Variants in EIF2D observed in about 807,000 individuals in gnomAD.
EIF2D encodes eukaryotic translation initiation factor 2D.
In EIF2D, 56 loss-of-function variants were observed where a neutral mutation model predicts 77.4. The observed-to-expected ratio is 0.72, with a 90% CI of 0.58 to 0.90. The LOEUF is 0.90. EIF2D is among the 40% of genes least tolerant of loss of function. The pLI, the probability that EIF2D is intolerant of heterozygous loss-of-function variation, is 0.00. For missense variants in EIF2D, 574 were observed against 706.5 expected (o/e 0.81, Z 2.13); for synonymous variants, 230 against 271.0 (o/e 0.85, Z 1.49).
chr1:206,606,455 C>T (rs1670206242), intron 4 of EIF2D, among the ~76,000 whole-genome samples: 1 of 152,114 alleles, frequency 6.6e-6, no homozygotes. Context: ...TTACCCCCAC[C>T]ACAAACCATC....
intron 4 of EIF2D, among the ~76,000 whole-genome samples, chr1:206,578,516 A>C (rs1300014508): frequency 3.3e-5 from 5 of 152,192 alleles, no homozygotes; most frequent in Non-Finnish European, 7.3e-5. Flanking sequence ...TTGACAAATA[A>C]AGTGACTTCT....
At chr1:206,606,865 A>C (rs548423354) in intron 4 of EIF2D, among the ~76,000 whole-genome samples, 1 of 152,346 alleles carries the variant, frequency 6.6e-6, no homozygotes, top group Non-Finnish European at 1.5e-5. Flanking sequence ...TATTGGTGAG[A>C]GTATAGGGAA....
At chr1:206,588,384 A>G (rs1045107947), downstream of EIF2D, 1 of 152,370 alleles carries the variant, frequency 6.6e-6, no homozygotes, top group Non-Finnish European at 1.5e-5. Context: ...CTTCTTGTTT[A>G]GGCTGAATCC....
intron 5 of EIF2D, 42 bp downstream of exon 5, chr1:206,605,358 C>T: frequency 6.5e-7 from 1 of 1,543,096 alleles, no homozygotes; most frequent in Non-Finnish European, 8.9e-7. Context: ...CTCTCCCCAG[C>T]TGCCCCGGTT....
At chr1:206,571,852 AG>A (rs2103553137) in intron 5 of EIF2D, among the ~76,000 whole-genome samples, 1 of 152,322 alleles carries the variant, frequency 6.6e-6, no homozygotes, top group East Asian at 1.9e-4. Flanking sequence ...AAACACCCAA[AG>A]GAAGACCTTC....
intron 2 of EIF2D, chr1:206,586,232 C>T (rs1302779439): frequency 1.3e-5 from 2 of 153,658 alleles, no homozygotes; most frequent in Non-Finnish European, 2.9e-5. Context: ...CCGCACAGGG[C>T]TTGTGCTCTT....
chr1:206,576,717 C>G (rs1553405266), intron 4 of EIF2D, among the ~76,000 whole-genome samples: 1 of 152,186 alleles, frequency 6.6e-6, no homozygotes, highest in African/African-American at 2.4e-5. Context: ...GAAGGTGGAA[C>G]TAGGGCTAAT....
At chr1:206,582,670 AT>A (rs1668940993) in intron 2 of EIF2D, among the ~76,000 whole-genome samples, 1 of 152,142 alleles carries the variant, frequency 6.6e-6, no homozygotes, top group Non-Finnish European at 1.5e-5. Flanking sequence ...ACAAATAGAT[AT>A]TTACTTCTTG....
In EIF2D at chr1:206,605,389, T is replaced by C. The variant is rs1438843201; in HGVS notation, c.530+11A>G. 1 of 1,611,496 alleles carries C rather than the reference T, an allele frequency of 6.2e-7. No homozygotes were observed. Among genetic ancestry groups the C allele is most frequent in the Non-Finnish European group, 8.5e-7 (1 of 1,177,882 alleles). On this transcript the variant is annotated intron_variant, in intron 5 of 14. Coordinates refer to ENST00000271764, the MANE Select transcript of EIF2D (RefSeq NM_006893.3). ...CGGTTCTCTGTAAAACAGAAGAAAC[T>C]CTGTACCCACCACAAGTGGTCCTGG...
Position 206,578,233 on chromosome 1 carries a change from AGT to A in EIF2D, c.*254+2457_*254+2458del, listed in dbSNP as rs58059864. Among the ~76,000 whole-genome samples the A allele has an allele frequency of 2.6e-3, 301 of 117,526 alleles. 1 individual carries two copies. Among genetic ancestry groups the A allele is most frequent in the East Asian group, 4.4e-3 (18 of 4,054 alleles). The allele number at this position is 117,526 out of a possible 152,430, so 77.1% of individuals were successfully genotyped here. ...AGAGGGAGACATCTCAAAAAAAAAA[AGT>A]GTGTGTGTGTGTGTGTGTGTGTGTG... On this transcript the variant is annotated intron_variant and NMD_transcript_variant, in intron 4 of 5. Transcript: ENST00000472709.
chr1:206,595,914 AG>A, intron 12 of EIF2D, 76 bp from the exon 13 acceptor site: 1 of 1,574,646 alleles, frequency 6.4e-7, no homozygotes, highest in Non-Finnish European at 8.6e-7. Context: ...ACCAGCAGGC[AG>A]TTAGGTGTAG....
At position 206,584,889 on chromosome 1, in the gene EIF2D, A is replaced by T; in HGVS notation, c.139-3727T>A. On this transcript the variant is annotated intron_variant and NMD_transcript_variant, in intron 2 of 5. Coordinates refer to the EIF2D transcript ENST00000472709. This position sits in a 1 kb window ranked among gnomAD's most constrained non-coding sequence, Gnocchi z 4.9. ...CTGACTCTGCATGTGACTTCAGGAA[A>T]ACCACACCCTAGGCTCCCATTTCCT... 1 of 611,460 alleles carries T rather than the reference A, an allele frequency of 1.6e-6. No individual in the cohort carries two copies. The allele number at this position is 611,460 out of a possible 1,614,324, so 37.9% of individuals were successfully genotyped here.
At chr1:206,591,587 G>T, downstream of EIF2D, 2 of 621,948 alleles carry the variant, frequency 3.2e-6, no homozygotes, top group Non-Finnish European at 5.6e-6. Flanking sequence ...GAATACTCCC[G>T]ACTTCAAAAA....
At chr1:206,589,427 A>AATT (rs1320251828), downstream of EIF2D, 5 of 152,322 alleles carry the variant, frequency 3.3e-5, no homozygotes, top group African/African-American at 1.2e-4. Context: ...CTGTTCAAAT[A>AATT]ATTTGGGAAA....
At chr1:206,581,158 G>A (rs1293320951) in exon 3 of EIF2D, 2 of 152,208 alleles carry the variant, frequency 1.3e-5, no homozygotes, top group Non-Finnish European at 2.9e-5. Flanking sequence ...CCTCAGTTTT[G>A]TTATCTGTGA....
At chr1:206,569,883 T>C (rs1023886943), downstream of EIF2D, among the ~76,000 whole-genome samples, 9 of 152,078 alleles carry the variant, frequency 5.9e-5, no homozygotes, top group Non-Finnish European at 1.0e-4. Context: ...GAAAAGAGCC[T>C]GGTCTTGGAG....
chr1:206,593,484 A>AGAGAGAGC lies in EIF2D; in HGVS notation c.1684+134_1684+135insGCTCTCTC, dbSNP rs1438623951. 77 of 488,118 alleles carry AGAGAGAGC rather than the reference A, an allele frequency of 1.6e-4. No homozygotes were observed. In the African/African-American group the frequency reaches 1.8e-3, roughly 11 times the overall value. The allele number at this position is 488,118 out of a possible 1,614,324, so 30.2% of individuals were successfully genotyped here. On this transcript the variant is annotated intron_variant, in intron 14 of 14. Transcript: ENST00000271764. ...ACTAAATGGAGAGAGAGAGAGAGAG[A>AGAGAGAGC]GAGCGAGAGAGAGAGAGAGAGAGAG...
intron 3 of EIF2D, among the ~76,000 whole-genome samples, chr1:206,608,553 C>G (rs1670310858): frequency 6.6e-6 from 1 of 152,244 alleles, no homozygotes; most frequent in Non-Finnish European, 1.5e-5. Context: ...ATCAGACCTT[C>G]TCCCCTTAGG....
chr1:206,605,165 T>C (rs1435795350), intron 5 of EIF2D: 5 of 387,488 alleles, frequency 1.3e-5, no homozygotes, highest in African/African-American at 2.0e-5. Flanking sequence ...ATCCCTAAGG[T>C]CTTCCTTTGG....
Sources: allele counts gnomAD v4.1 joint callset (sites outside exome capture counted in the v4.1 genomes callset), GRCh38; gene constraint gnomAD v4.1.1; non-coding constraint Gnocchi (gnomAD v3.1); transcripts MANE v1.5; gene names NCBI Gene and HGNC (gene_info 2026-07-23, HGNC 2026-07-21).